NXN: variants seen among roughly 807,000 people sequenced by gnomAD.
The protein encoded by NXN is nucleoredoxin 1.
Under a neutral mutation model 48.6 loss-of-function variants are expected in NXN, and 16 were observed. The observed-to-expected ratio is 0.33, with a 90% CI of 0.22 to 0.50. The LOEUF (loss-of-function observed/expected upper bound fraction) is 0.50. Among genes scored for constraint, NXN ranks in the 20% least tolerant of loss-of-function variants. The pLI, the probability that NXN is intolerant of heterozygous loss-of-function variation, is 0.98. For missense variants in NXN, 492 were observed against 605.5 expected (o/e 0.81, Z 1.97); for synonymous variants, 281 against 269.6 (o/e 1.04, Z -0.41).
intron 1 of NXN, among the ~76,000 whole-genome samples, chr17:962,268 A>G (rs775566999): frequency 6.6e-6 from 1 of 152,186 alleles, no homozygotes; most frequent in African/African-American, 2.4e-5. Flanking sequence ...ACTGCAGGTG[A>G]ATTTTCCTAA....
At chr17:885,659 G>T (rs1307898285) in intron 1 of NXN, among the ~76,000 whole-genome samples, 4 of 146,710 alleles carry the variant, frequency 2.7e-5, no homozygotes, top group African/African-American at 5.1e-5. Flanking sequence ...CCACCTGGGG[G>T]CTGCGGTACT....
chr17:979,771 G>A lies in NXN; in HGVS notation c.-93C>T, dbSNP rs1207949595. ...GGCGGCGTCGGCGGCAGGCGCTGGGGAGAGCAGAGCCCGGCCCAGTAGGGC... is the reference window on the plus strand; with the variant it reads ...GGCGGCGTCGGCGGCAGGCGCTGGGAAGAGCAGAGCCCGGCCCAGTAGGGC... On this transcript the variant is annotated 5_prime_UTR_variant, in exon 1 of 8. Transcript: ENST00000336868. 5.5e-6 allele frequency: 6 copies of A among 1,094,102 alleles called. No homozygotes were observed. Among genetic ancestry groups the A allele is most frequent in the African/African-American group, 1.7e-5 (1 of 59,808 alleles). 67.8% of individuals were successfully genotyped at this position (1,094,102 alleles called of 1,614,324 possible).
rs1046635297 is a variant in NXN at position 917,376 on chromosome 17, C to T, written c.360+61943G>A. Among the ~76,000 whole-genome samples, 7 of 152,204 alleles carry T rather than the reference C, an allele frequency of 4.6e-5. No homozygotes were observed. The highest frequency in any genetic ancestry group is 7.2e-5 in the African/African-American group (3 of 41,456). ...CAGGCTGGTCTCAATCTCTTGACCT[C>T]GTGATCCGCCTGCCTTGGCCTCTGA... On this transcript the variant is annotated intron_variant, in intron 1 of 7. Coordinates refer to ENST00000336868, the MANE Select transcript of NXN (RefSeq NM_022463.5). The surrounding 1 kb of genome is among the most constrained non-coding windows in gnomAD (Gnocchi z 4.5).
chr17:818,186 T>G (rs28687506), intron 5 of NXN, among the ~76,000 whole-genome samples: 7,373 of 151,794 alleles, frequency 0.049, 536 homozygotes, highest in African/African-American at 0.16. Context: ...GCTTGAGCCC[T>G]GGAGGCAGAG....
At chr17:928,943 A>ATAC in intron 1 of NXN, among the ~76,000 whole-genome samples, 1 of 152,364 alleles carries the variant, frequency 6.6e-6, no homozygotes, top group South Asian at 2.1e-4. Flanking sequence ...TCAGCTGTAT[A>ATAC]AATGCAATAC....
intron 5 of NXN, among the ~76,000 whole-genome samples, chr17:805,705 G>A (rs192621145): frequency 2.8e-4 from 42 of 152,254 alleles, no homozygotes; most frequent in African/African-American, 9.9e-4. Context: ...GGGCGTGGTG[G>A]CGGGCGCCTG....
intron 5 of NXN, among the ~76,000 whole-genome samples, chr17:814,738 A>G (rs373971598): frequency 4.6e-5 from 7 of 152,212 alleles, no homozygotes; most frequent in East Asian, 1.9e-4. Flanking sequence ...TCAATACATC[A>G]AATCCGGCCG....
At chr17:867,400 G>A (rs1567840492) in intron 1 of NXN, among the ~76,000 whole-genome samples, 1 of 152,094 alleles carries the variant, frequency 6.6e-6, no homozygotes, top group Non-Finnish European at 1.5e-5. Context: ...CAAGTTCTCG[G>A]GGTTCTCCAG....
chr17:851,641 G>C (rs1215114550), intron 1 of NXN, among the ~76,000 whole-genome samples: 1 of 152,196 alleles, frequency 6.6e-6, no homozygotes, highest in Non-Finnish European at 1.5e-5. Context: ...TCCAAGCTCA[G>C]GCGTCCACAT....
At chr17:951,978 C>A (rs996262381) in intron 1 of NXN, among the ~76,000 whole-genome samples, 1 of 152,206 alleles carries the variant, frequency 6.6e-6, no homozygotes, top group African/African-American at 2.4e-5. Flanking sequence ...CCTCAGTCCC[C>A]TGGAATGCAG....
chr17:835,168 T>C lies in NXN; in HGVS notation c.361-9090A>G, dbSNP rs372159247. ...CTAAAAATACAAAAAATTAGCCGGGTGTGGTGACGGGTGCCTGTACTCCCA... is the reference window on the plus strand; with the variant it reads ...CTAAAAATACAAAAAATTAGCCGGGCGTGGTGACGGGTGCCTGTACTCCCA... On this transcript the variant is annotated intron_variant, in intron 1 of 7. Coordinates refer to ENST00000336868, the MANE Select transcript of NXN (RefSeq NM_022463.5). Among the ~76,000 whole-genome samples, 203 of 150,462 alleles carry C rather than the reference T, an allele frequency of 1.3e-3. 1 individual carries two copies. The highest frequency in any genetic ancestry group is 3.3e-3 in the African/African-American group (135 of 40,938).
intron 1 of NXN, among the ~76,000 whole-genome samples, chr17:870,158 G>A (rs933511972): frequency 6.6e-6 from 1 of 152,034 alleles, no homozygotes; most frequent in Non-Finnish European, 1.5e-5. Flanking sequence ...CGTCAGCAGG[G>A]CCAAGAAACC....
chr17:893,813 C>T (rs865783786), intron 1 of NXN, among the ~76,000 whole-genome samples: 9 of 53,106 alleles, frequency 1.7e-4, no homozygotes, highest in Admixed American at 3.5e-4. Context: ...CCAGAGGAAG[C>T]ATCTCAACTC....
intron 1 of NXN, among the ~76,000 whole-genome samples, chr17:922,340 A>C (rs1188113289): frequency 6.6e-6 from 1 of 151,984 alleles, no homozygotes; most frequent in East Asian, 2.0e-4. Context: ...TCTACTCGGG[A>C]GACTGAGGTA....
chr17:957,546 T>G (rs533498299), intron 1 of NXN, among the ~76,000 whole-genome samples: 1 of 151,436 alleles, frequency 6.6e-6, no homozygotes, highest in Admixed American at 6.6e-5. Flanking sequence ...GCAGGAGAAC[T>G]GCTTGAACAC....
rs574769899 is a variant in NXN, at chr17:899,624, G to A, written c.361-73546C>T. ...CTTAAAAAACAAAACCACGGATTCC[G>A]CACTTTCCTCCTTTCTCTCCTCTCT... On this transcript the variant is annotated intron_variant, in intron 1 of 7. Coordinates refer to ENST00000336868, the MANE Select transcript of NXN (RefSeq NM_022463.5). 2.6e-5 allele frequency among the ~76,000 whole-genome samples: 4 copies of A among 152,236 alleles called. No homozygotes were observed. The East Asian group carries it at 5.8e-4, about 22-fold the overall frequency.
chr17:964,280 G>T (rs2069275849), intron 1 of NXN, among the ~76,000 whole-genome samples: 1 of 152,136 alleles, frequency 6.6e-6, no homozygotes, highest in Non-Finnish European at 1.5e-5. Context: ...GTGTTTTGTT[G>T]TAAGGATCTC....
intron 1 of NXN, among the ~76,000 whole-genome samples, chr17:939,944 C>CT (rs952813417): frequency 2.6e-5 from 2 of 78,136 alleles, no homozygotes; most frequent in African/African-American, 8.2e-5. Flanking sequence ...CCAGTATTAC[C>CT]TTTTTTTTCT....
chr17:939,306 T>C (rs35894943), intron 1 of NXN, among the ~76,000 whole-genome samples: 38,081 of 150,762 alleles, frequency 0.25, 5,126 homozygotes, highest in African/African-American at 0.3. Context: ...CATAGACAGA[T>C]AGATACAGCA....
Sources: allele counts gnomAD v4.1 joint callset (sites outside exome capture counted in the v4.1 genomes callset), GRCh38; gene constraint gnomAD v4.1.1; non-coding constraint Gnocchi (gnomAD v3.1); transcripts MANE v1.5; gene names NCBI Gene and HGNC (gene_info 2026-07-23, HGNC 2026-07-21).